Variants in PHACTR1 observed in about 807,000 individuals in gnomAD.
PHACTR1 encodes the protein RPEL repeat containing 1.
PHACTR1 carries 16 observed loss-of-function variants against 69.2 expected under a neutral mutation model. The observed-to-expected ratio is 0.23, with a 90% CI of 0.16 to 0.35. The LOEUF (loss-of-function observed/expected upper bound fraction) is 0.35. Among genes scored for constraint, PHACTR1 ranks in the 10% least tolerant of loss-of-function variants. The pLI is 1.00. For missense variants in PHACTR1, 510 were observed against 734.7 expected, an observed-to-expected ratio of 0.69 and a Z score of 3.54; for synonymous variants, 312 against 284.5, an observed-to-expected ratio of 1.10 and a Z score of -0.97.
intron 4 of PHACTR1, among the ~76,000 whole-genome samples, chr6:13,028,434 A>G (rs748290180): frequency 6.6e-6 from 1 of 152,252 alleles, no homozygotes; most frequent in Non-Finnish European, 1.5e-5. Flanking sequence ...AAATTATTAT[A>G]TCAATCATAC....
intron 4 of PHACTR1, among the ~76,000 whole-genome samples, chr6:12,844,361 C>T (rs2127746892): frequency 6.6e-6 from 1 of 152,232 alleles, no homozygotes; most frequent in South Asian, 2.1e-4. Flanking sequence ...CACACCACCG[C>T]ACTCCATCCT....
rs555028113 is a variant in PHACTR1 at position 13,122,132 on chromosome 6, A to G, written c.416-38072A>G. On this transcript the variant is annotated intron_variant, in intron 5 of 14. Coordinates refer to ENST00000332995, the MANE Select transcript of PHACTR1 (RefSeq NM_030948.6). ...TCTTCAATAAAGACTCATCCTCCCT[A>G]ATAGAATACTTGCCCGCACTTTCCA... is the stretch of plus-strand genomic sequence containing the variant. 5.3e-5 allele frequency among the ~76,000 whole-genome samples: 8 copies of G among 152,320 alleles called. No individual in the cohort carries two copies. The South Asian group carries it at 1.0e-3, about 20-fold the overall frequency.
At chr6:13,148,346 A>G (rs982319770) in intron 5 of PHACTR1, among the ~76,000 whole-genome samples, 3 of 152,142 alleles carry the variant, frequency 2.0e-5, no homozygotes, top group Non-Finnish European at 2.9e-5. Flanking sequence ...GACGTCTGTA[A>G]TCATACATCT....
intron 8 of PHACTR1, among the ~76,000 whole-genome samples, chr6:13,226,641 T>G (rs1050513595): frequency 6.6e-5 from 10 of 152,206 alleles, no homozygotes; most frequent in African/African-American, 2.4e-4. Flanking sequence ...AAAAGGGTTC[T>G]AAGTTACTAC....
chr6:12,838,790 C>T (rs1056858175), intron 4 of PHACTR1, among the ~76,000 whole-genome samples: 1 of 152,146 alleles, frequency 6.6e-6, no homozygotes, highest in Non-Finnish European at 1.5e-5. Flanking sequence ...TAACCCCAAC[C>T]CCCACATGAA....
At chr6:13,163,278 A>G (rs1270470747) in intron 6 of PHACTR1, among the ~76,000 whole-genome samples, 4 of 152,162 alleles carry the variant, frequency 2.6e-5, no homozygotes, top group Non-Finnish European at 5.9e-5. Context: ...CTGTACATAC[A>G]TACATAAATA....
At chr6:13,032,558 T>C (rs1289651319) in intron 4 of PHACTR1, among the ~76,000 whole-genome samples, 1 of 152,202 alleles carries the variant, frequency 6.6e-6, no homozygotes, top group Non-Finnish European at 1.5e-5. Context: ...CCTTATATAT[T>C]TATGCGATAT....
chr6:12,846,885 G>C (rs1420207664), intron 4 of PHACTR1, among the ~76,000 whole-genome samples: 2 of 151,980 alleles, frequency 1.3e-5, no homozygotes, highest in Non-Finnish European at 2.9e-5. Context: ...GCTCACTGCA[G>C]CTTCTGCCTC....
At chr6:13,197,762 A>G (rs896936933) in intron 7 of PHACTR1, among the ~76,000 whole-genome samples, 7 of 152,318 alleles carry the variant, frequency 4.6e-5, no homozygotes, top group Admixed American at 4.6e-4. Flanking sequence ...CCCTCGGCCC[A>G]CAGCAGAAGC....
intron 4 of PHACTR1, among the ~76,000 whole-genome samples, chr6:12,855,437 A>T (rs1046436755): frequency 6.6e-6 from 1 of 152,204 alleles, no homozygotes; most frequent in Admixed American, 6.5e-5. Flanking sequence ...GGGAGACAGG[A>T]CGAGACCCTG....
chr6:12,772,237 T>C (rs1769481628), intron 4 of PHACTR1, among the ~76,000 whole-genome samples: 1 of 152,214 alleles, frequency 6.6e-6, no homozygotes, highest in Non-Finnish European at 1.5e-5. Context: ...GAGATCCTGT[T>C]TTCTAAGGTT....
At position 13,057,195 on chromosome 6, in the gene PHACTR1, A is replaced by G. The variant is rs974808109; in HGVS notation, c.415+3666A>G. Among the ~76,000 whole-genome samples the G allele has an allele frequency of 3.9e-5, 6 of 152,328 alleles. No individual in the cohort carries two copies. The East Asian group carries it at 9.6e-4, about 24-fold the overall frequency. ...CTGTTTGAGATGATGGATATTCCCA[A>G]TTACCCTGATTTGATCACTACACAT... On this transcript the variant is annotated intron_variant, in intron 5 of 14. Transcript: ENST00000332995.
At chr6:12,891,614 C>T (rs957012528) in intron 4 of PHACTR1, among the ~76,000 whole-genome samples, 5 of 152,168 alleles carry the variant, frequency 3.3e-5, no homozygotes, top group Non-Finnish European at 7.4e-5. Context: ...TATGATCCCC[C>T]TCCTCCTCTG....
intron 4 of PHACTR1, among the ~76,000 whole-genome samples, chr6:12,805,615 T>C (rs1774225781): frequency 6.6e-6 from 1 of 151,990 alleles, no homozygotes; most frequent in African/African-American, 2.4e-5. Flanking sequence ...TTCTTTCTTT[T>C]TTTTGGATGG....
Position 13,287,066 on chromosome 6 carries a change from T to C in PHACTR1, c.1731T>C (p.Phe577=), listed in dbSNP as rs1444382043. Residue 577 remains phenylalanine (F), a synonymous_variant, in exon 15 of 15, where the codon TTT becomes TTC. Coordinates refer to ENST00000332995, the MANE Select transcript of PHACTR1 (RefSeq NM_030948.6). ...VHELSRHLTR[F]HRP Reference sequence around the variant, plus strand: ...ATGTAATTGTTTGTTTCCTTAGGTTTCACCGACCTTAACAGTCGAATTCCT... The same window carrying C: ...ATGTAATTGTTTGTTTCCTTAGGTTCCACCGACCTTAACAGTCGAATTCCT... The C allele has an allele frequency of 1.2e-6, 2 of 1,607,972 alleles. No individual in the cohort carries two copies. Among genetic ancestry groups the C allele is most frequent in the Admixed American group, 1.7e-5 (1 of 59,048 alleles).
intron 4 of PHACTR1, among the ~76,000 whole-genome samples, chr6:12,784,483 TAC>T (rs1771261655): frequency 6.6e-6 from 1 of 151,304 alleles, no homozygotes; most frequent in African/African-American, 2.4e-5. Flanking sequence ...TATACACATA[TAC>T]ATATACACAC....
rs527561556 is a variant in PHACTR1 at position 12,998,816 on chromosome 6, G to GA, written c.251-54540dup. Among the ~76,000 whole-genome samples the GA allele has an allele frequency of 3.4e-3, 518 of 151,004 alleles. 3 individuals are homozygous for GA. Among genetic ancestry groups the GA allele is most frequent in the South Asian group, 0.015 (71 of 4,774 alleles). On this transcript the variant is annotated intron_variant, in intron 4 of 14. Coordinates refer to ENST00000332995, the MANE Select transcript of PHACTR1 (RefSeq NM_030948.6). ...AAAAAGAGTCTATATAAATCAATGA[G>GA]AAAAAAAAATCAATAAACAAGTGGA... is the stretch of plus-strand genomic sequence containing the variant.
chr6:13,190,287 A>G (rs28449962), intron 7 of PHACTR1, among the ~76,000 whole-genome samples: 18,500 of 144,574 alleles, frequency 0.13, 2,979 homozygotes, highest in African/African-American at 0.38. Flanking sequence ...TGCCCGCCTC[A>G]GCCTCCCAAA....
chr6:13,109,932 G>A (rs74639960), intron 5 of PHACTR1, among the ~76,000 whole-genome samples: 4,490 of 150,906 alleles, frequency 0.03, 201 homozygotes, highest in African/African-American at 0.1. Flanking sequence ...CTTTCATATT[G>A]TCTAATCTGT....
Sources: allele counts gnomAD v4.1 joint callset (sites outside exome capture counted in the v4.1 genomes callset), GRCh38; gene constraint gnomAD v4.1.1; transcripts MANE v1.5; gene names NCBI Gene and HGNC (gene_info 2026-07-23, HGNC 2026-07-21).